Variants in SEPTIN14 observed in about 807,000 individuals in gnomAD.
SEPTIN14 encodes the protein septin 14.
Under a neutral mutation model 53.6 loss-of-function variants are expected in SEPTIN14, and 40 were observed. That is an observed-to-expected ratio of 0.75 (90% CI 0.58 to 0.97). The LOEUF is 0.97. SEPTIN14 is among the 50% of genes least tolerant of loss of function. The pLI, the probability that SEPTIN14 is intolerant of heterozygous loss-of-function variation, is 0.00. For missense variants in SEPTIN14, 471 were observed against 508.2 expected (o/e 0.93, Z 0.70); for synonymous variants, 138 against 166.8 (o/e 0.83, Z 1.33).
intron 9 of SEPTIN14, among the ~76,000 whole-genome samples, chr7:55,801,259 GT>G (rs1463868613): frequency 1.3e-5 from 2 of 151,812 alleles, no homozygotes; most frequent in Non-Finnish European, 2.9e-5. Context: ...TGAACTAAGT[GT>G]TTTTTAAAAA....
At chr7:55,809,250 G>T (rs1314925385) in intron 7 of SEPTIN14, among the ~76,000 whole-genome samples, 3 of 151,736 alleles carry the variant, frequency 2.0e-5, no homozygotes, top group Non-Finnish European at 2.9e-5. Context: ...ACAGACACTG[G>T]GGCCTCCTTG....
intron 7 of SEPTIN14, among the ~76,000 whole-genome samples, chr7:55,807,906 T>C (rs1450716537): frequency 2.0e-5 from 3 of 151,986 alleles, no homozygotes; most frequent in Non-Finnish European, 2.9e-5. Context: ...TGTAAAATGA[T>C]ATAAAGAAGG....
chr7:55,804,224 A>T (rs1400776233), intron 9 of SEPTIN14, among the ~76,000 whole-genome samples: 2 of 150,314 alleles, frequency 1.3e-5, no homozygotes, highest in South Asian at 2.1e-4. Flanking sequence ...GTATACATCC[A>T]AACTTTTTCC....
chr7:55,810,589 C>T (rs1788682670), intron 7 of SEPTIN14, among the ~76,000 whole-genome samples: 2 of 151,774 alleles, frequency 1.3e-5, no homozygotes, highest in South Asian at 2.1e-4. Context: ...ATTCTCCTGC[C>T]TCAGCCTCCC....
chr7:55,837,050 C>T (rs538750318), intron 5 of SEPTIN14, among the ~76,000 whole-genome samples: 5 of 151,212 alleles, frequency 3.3e-5, no homozygotes, highest in African/African-American at 1.2e-4. Context: ...GATAATATGA[C>T]AATTTCCTTT....
chr7:55,822,635 G>A (rs1788916355), intron 6 of SEPTIN14, among the ~76,000 whole-genome samples: 2 of 152,176 alleles, frequency 1.3e-5, no homozygotes, highest in African/African-American at 4.8e-5. Context: ...AGAAGCAATG[G>A]GAATTTAATG....
At chr7:55,816,137 C>T (rs2115986069) in intron 7 of SEPTIN14, among the ~76,000 whole-genome samples, 1 of 152,084 alleles carries the variant, frequency 6.6e-6, no homozygotes, top group South Asian at 2.1e-4. Context: ...ATTTGTGGAG[C>T]TAAAAATTAA....
At chr7:55,807,008 C>G in intron 8 of SEPTIN14, 82 bp downstream of exon 8, 1 of 981,480 alleles carries the variant, frequency 1.0e-6, no homozygotes, top group Admixed American at 2.9e-5. Context: ...TATAATTATT[C>G]TCATATCCAA....
At position 55,811,798 on chromosome 7, in the gene SEPTIN14, AT is replaced by A. The variant is rs879468645; in HGVS notation, c.818-4541del. Reference sequence around the variant, plus strand: ...ACAGGTGTGAGCCACCGCACCCAGCATTTTTTTTTTTTTGAGACAGAGTCTC... The same window carrying A: ...ACAGGTGTGAGCCACCGCACCCAGCATTTTTTTTTTTTGAGACAGAGTCTC... On this transcript the variant is annotated intron_variant, in intron 7 of 9. Coordinates refer to ENST00000388975, the MANE Select transcript of SEPTIN14 (RefSeq NM_207366.3). Among the ~76,000 whole-genome samples, 592 of 118,532 alleles carry A rather than the reference AT, an allele frequency of 5.0e-3. 4 individuals carry two copies. The highest frequency in any genetic ancestry group is 0.033 in the Middle Eastern group (5 of 150). 77.8% of individuals were successfully genotyped at this position (118,532 alleles called of 152,430 possible).
At position 55,807,263 on chromosome 7, in the gene SEPTIN14, TA is replaced by T; in HGVS notation, c.818-6del. The T allele has an allele frequency of 3.9e-6, 6 of 1,556,396 alleles. No individual in the cohort carries two copies. Among genetic ancestry groups the T allele is most frequent in the South Asian group, 2.4e-5 (2 of 83,084 alleles). ...CACAGTGATTTTCATTTTCCACTAGTAAAAAAATAATAATGAATCAACAACA... is the reference window on the plus strand; with the variant it reads ...CACAGTGATTTTCATTTTCCACTAGTAAAAAATAATAATGAATCAACAACA... On this transcript the variant is annotated splice_polypyrimidine_tract_variant and splice_region_variant and intron_variant, in intron 7 of 9. Transcript: ENST00000388975.
rs568981599 is a variant in SEPTIN14 at position 55,811,816 on chromosome 7, CAG to C, written c.818-4560_818-4559del. Among the ~76,000 whole-genome samples the C allele has an allele frequency of 2.8e-3, 394 of 138,996 alleles. 4 individuals are homozygous for C. Among genetic ancestry groups the C allele is most frequent in the Middle Eastern group, 0.014 (3 of 208 alleles). The allele number at this position is 138,996 out of a possible 152,430, so 91.2% of individuals were successfully genotyped here. A position where few individuals can be genotyped will look rare whatever the true frequency, so the allele number is the denominator to read the frequency against. On this transcript the variant is annotated intron_variant, in intron 7 of 9. Coordinates refer to ENST00000388975, the MANE Select transcript of SEPTIN14 (RefSeq NM_207366.3). ...ACCCAGCATTTTTTTTTTTTTGAGA[CAG>C]AGTCTCGCTCTGTCACTCAGGCTGG...
intron 3 of SEPTIN14, 68 bp from the exon 4 acceptor site, chr7:55,844,786 C>T (rs967777455): frequency 2.7e-6 from 2 of 750,654 alleles, no homozygotes; most frequent in African/African-American, 3.6e-5. Flanking sequence ...ACTTTGAATT[C>T]CTACGGTGGT....
chr7:55,832,012 A>G (rs1267411511), intron 6 of SEPTIN14, among the ~76,000 whole-genome samples: 1 of 152,002 alleles, frequency 6.6e-6, no homozygotes, highest in African/African-American at 2.4e-5. Context: ...GACCAGCCTG[A>G]CCAATATGGT....
intron 2 of SEPTIN14, among the ~76,000 whole-genome samples, chr7:55,857,813 T>G (rs1037151818): frequency 3.3e-5 from 5 of 150,832 alleles, no homozygotes; most frequent in African/African-American, 1.2e-4. Flanking sequence ...GGTCTCGATC[T>G]CCTGACCTCG....
At chr7:55,861,819 C>G (rs1428486995) in intron 2 of SEPTIN14, 124 bp downstream of exon 2, 1 of 573,176 alleles carries the variant, frequency 1.7e-6, no homozygotes, top group Non-Finnish European at 2.9e-6. Flanking sequence ...CTAATTCATG[C>G]CCAAACATAA....
chr7:55,834,642 G>GT, intron 5 of SEPTIN14, 56 bp from the exon 6 acceptor site: 3 of 1,380,616 alleles, frequency 2.2e-6, no homozygotes, highest in African/African-American at 2.9e-5. Flanking sequence ...CAGTTTTTTT[G>GT]TTTTTTGTTT....
chr7:55,832,231 A>ACACG (rs1366641708), intron 6 of SEPTIN14, among the ~76,000 whole-genome samples: 1 of 151,872 alleles, frequency 6.6e-6, no homozygotes, highest in African/African-American at 2.4e-5. Context: ...ACACACACAC[A>ACACG]CACACACACA....
chr7:55,842,259 T>G (rs1174364227), intron 5 of SEPTIN14, among the ~76,000 whole-genome samples: 2 of 152,054 alleles, frequency 1.3e-5, no homozygotes, highest in African/African-American at 4.8e-5. Flanking sequence ...GTAACTACAC[T>G]TGCATGCAAG....
chr7:55,812,774 A>G (rs939455368), intron 7 of SEPTIN14, among the ~76,000 whole-genome samples: 1 of 152,132 alleles, frequency 6.6e-6, no homozygotes, highest in African/African-American at 2.4e-5. Context: ...AGAGTCTTGC[A>G]TAGCCTATGC....
Sources: gnomAD v4.1 joint callset for allele counts (sites outside exome capture counted in the v4.1 genomes callset) on GRCh38, gnomAD v4.1.1 for gene constraint, MANE v1.5 for transcripts, NCBI Gene and HGNC (gene_info 2026-07-23, HGNC 2026-07-21) for gene names.